VRK2: variants seen among roughly 807,000 people sequenced by gnomAD.
The protein encoded by VRK2 is VRK serine/threonine kinase 2, also known as serine/threonine-protein kinase VRK2.
Under a neutral mutation model 57.6 loss-of-function variants are expected in VRK2, and 60 were observed. That is an observed-to-expected ratio of 1.04 (90% CI 0.85 to 1.29). VRK2 has a LOEUF of 1.29. VRK2 is among the 50% of genes most tolerant of loss of function. VRK2 has a pLI of 0.00. For missense variants in VRK2, 705 were observed against 588.1 expected (o/e 1.20, Z -2.06); for synonymous variants, 231 against 199.2 (o/e 1.16, Z -1.35).
At chr2:57,922,566 G>C (rs1026937939) in intron 1 of VRK2, among the ~76,000 whole-genome samples, 1 of 151,340 alleles carries the variant, frequency 6.6e-6, no homozygotes, top group East Asian at 1.9e-4. Flanking sequence ...AGTAGATTTT[G>C]AATATTCTTT....
intron 1 of VRK2, among the ~76,000 whole-genome samples, chr2:57,918,401 C>A (rs1371287884): frequency 1.3e-5 from 2 of 151,904 alleles, no homozygotes. Context: ...CATTTCTTAT[C>A]CTGAGAGTTA....
chr2:58,087,711 G>T (rs1671825628), intron 5 of VRK2, among the ~76,000 whole-genome samples: 1 of 152,128 alleles, frequency 6.6e-6, no homozygotes, highest in Admixed American at 6.5e-5. Flanking sequence ...TCATGTGGCT[G>T]GGCACGGTGG....
At chr2:58,015,295 C>A (rs1249171069) in intron 1 of VRK2, among the ~76,000 whole-genome samples, 8 of 152,122 alleles carry the variant, frequency 5.3e-5, no homozygotes, top group African/African-American at 7.2e-5. Context: ...TTTTTAAATT[C>A]AACTAATTAT....
At chr2:57,959,291 G>A (rs191102646) in intron 1 of VRK2, among the ~76,000 whole-genome samples, 22 of 152,178 alleles carry the variant, frequency 1.4e-4, no homozygotes, top group Admixed American at 2.6e-4. Context: ...TCATTCTTTC[G>A]GAAACATGTG....
At chr2:58,046,485 AAC>A, upstream of VRK2, 2 of 985,186 alleles carry the variant, frequency 2.0e-6, no homozygotes, top group Non-Finnish European at 2.4e-6. Context: ...CAGGAGATCT[AAC>A]ACTCCTACAC....
chr2:58,013,951 T>G (rs1673496104), intron 1 of VRK2, among the ~76,000 whole-genome samples: 1 of 151,978 alleles, frequency 6.6e-6, no homozygotes, highest in Non-Finnish European at 1.5e-5. Context: ...ACTGCAAAAT[T>G]TTGTTAATTT....
At chr2:57,922,487 T>A (rs1558494243) in intron 1 of VRK2, among the ~76,000 whole-genome samples, 1 of 148,946 alleles carries the variant, frequency 6.7e-6, no homozygotes, top group Admixed American at 6.7e-5. Flanking sequence ...TGTGTGTGTG[T>A]GATGAGAATA....
intron 1 of VRK2, among the ~76,000 whole-genome samples, chr2:57,968,443 G>C (rs930667227): frequency 2.0e-5 from 3 of 152,000 alleles, no homozygotes; most frequent in Non-Finnish European, 4.4e-5. Flanking sequence ...CTAATGAAAT[G>C]CTTGATTCTT....
chr2:57,979,619 C>A (rs1460972806), intron 1 of VRK2, among the ~76,000 whole-genome samples: 4 of 144,906 alleles, frequency 2.8e-5, no homozygotes, highest in Non-Finnish European at 5.9e-5. Flanking sequence ...GCACTAGCAC[C>A]CTCTCTTCTT....
At chr2:57,945,478 C>A (rs1671234449) in intron 1 of VRK2, among the ~76,000 whole-genome samples, 1 of 152,128 alleles carries the variant, frequency 6.6e-6, no homozygotes, top group Non-Finnish European at 1.5e-5. Flanking sequence ...TGTTTCCTGC[C>A]AATCAGTTCT....
chr2:57,927,516 C>T (rs139505647), intron 1 of VRK2, among the ~76,000 whole-genome samples: 79 of 152,206 alleles, frequency 5.2e-4, no homozygotes, highest in Non-Finnish European at 1.0e-3. Context: ...ACCTCATGAT[C>T]CACCTGCCTC....
intron 2 of VRK2, among the ~76,000 whole-genome samples, chr2:58,061,919 C>T (rs1677398555): frequency 6.6e-6 from 1 of 152,020 alleles, no homozygotes. Context: ...CATGTTTCAA[C>T]CTTAGCATTT....
chr2:58,086,811 T>C (rs1191338903), intron 5 of VRK2, among the ~76,000 whole-genome samples: 7 of 152,214 alleles, frequency 4.6e-5, no homozygotes, highest in African/African-American at 7.2e-5. Flanking sequence ...CTGAGTGTTA[T>C]GAAAAATAGC....
chr2:58,136,670 C>T (rs990728504), intron 10 of VRK2, among the ~76,000 whole-genome samples: 3 of 151,564 alleles, frequency 2.0e-5, no homozygotes, highest in Admixed American at 1.3e-4. Flanking sequence ...CAGGTGTGGG[C>T]CACTGCGCCT....
chr2:58,074,994 C>T (rs528411847), intron 2 of VRK2, among the ~76,000 whole-genome samples: 7 of 152,122 alleles, frequency 4.6e-5, no homozygotes, highest in African/African-American at 1.4e-4. Flanking sequence ...ATAATTTTGT[C>T]ACCTAGGTAA....
At chr2:58,012,397 C>G (rs1434562434) in intron 1 of VRK2, among the ~76,000 whole-genome samples, 1 of 152,202 alleles carries the variant, frequency 6.6e-6, no homozygotes, top group Non-Finnish European at 1.5e-5. Context: ...TTTCCTGTAA[C>G]ATGAGCACCA....
At chr2:57,917,869 G>T (rs555108914) in intron 1 of VRK2, among the ~76,000 whole-genome samples, 8 of 152,038 alleles carry the variant, frequency 5.3e-5, no homozygotes, top group Admixed American at 5.2e-4. Context: ...GGATTTACAA[G>T]TCACACATGA....
chr2:57,911,708 A>G (rs6711762), intron 1 of VRK2, among the ~76,000 whole-genome samples: 41,919 of 152,120 alleles, frequency 0.28, 6,405 homozygotes, highest in African/African-American at 0.42. Flanking sequence ...ATAATCACAT[A>G]CATTTATGGA....
upstream of VRK2, among the ~76,000 whole-genome samples, chr2:58,045,360 G>C (rs1018189306): frequency 5.3e-5 from 8 of 152,178 alleles, no homozygotes; most frequent in African/African-American, 1.9e-4. Flanking sequence ...CAAGTAATCT[G>C]CTGTGGTTGC....
Sources: allele counts gnomAD v4.1 joint callset (sites outside exome capture counted in the v4.1 genomes callset), GRCh38; gene constraint gnomAD v4.1.1; transcripts MANE v1.5; gene names NCBI Gene and HGNC (gene_info 2026-07-23, HGNC 2026-07-21).